The following F3 variants were observed in gnomAD, a reference collection of about 807,000 sequenced individuals.
The protein encoded by F3 is tissue factor.
Under a neutral mutation model 33.5 loss-of-function variants are expected in F3, and 18 were observed. The observed-to-expected ratio is 0.54, with a 90% CI of 0.37 to 0.80. F3 has a LOEUF of 0.80. F3 is among the 30% of genes least tolerant of loss of function. The pLI, the probability that F3 is intolerant of heterozygous loss-of-function variation, is 0.00. For missense variants in F3, 353 were observed against 362.1 expected (o/e 0.97, Z 0.20); for synonymous variants, 147 against 140.7 (o/e 1.05, Z -0.32).
chr1:94,541,333 G>C (rs976651439), intron 1 of F3, among the ~76,000 whole-genome samples: 2 of 152,178 alleles, frequency 1.3e-5, no homozygotes, highest in East Asian at 3.9e-4. Context: ...GGTCTGGGGC[G>C]CCAACTCCCT....
intron 3 of F3, among the ~76,000 whole-genome samples, chr1:94,535,325 T>C (rs1409479859): frequency 6.6e-6 from 1 of 152,152 alleles, no homozygotes; most frequent in Non-Finnish European, 1.5e-5. Context: ...ATTCTCTTCA[T>C]TCTTTTACTG....
chr1:94,532,348 T>TA lies in F3; in HGVS notation c.723dup (p.Met242TyrfsTer37). ...CTGAATTCCCCTTTCTCCTGGCCCA[T>TA]ACACTCTACCGGGCTGTCTGTACTC... On this transcript the variant is annotated frameshift_variant, in exon 5 of 6. Transcript: ENST00000334047. LOFTEE classifies it high-confidence loss of function. 1 of 1,614,146 alleles carries TA rather than the reference T, an allele frequency of 6.2e-7. No homozygotes were observed. The highest frequency in any genetic ancestry group is 8.5e-7 in the Non-Finnish European group (1 of 1,180,022).
intron 4 of F3, among the ~76,000 whole-genome samples, chr1:94,532,825 C>T (rs1177841766): frequency 6.6e-6 from 1 of 152,084 alleles, no homozygotes; most frequent in Non-Finnish European, 1.5e-5. Context: ...CATGGCGGGA[C>T]CTTTAGAGAT....
chr1:94,541,444 C>T, intron 1 of F3, 93 bp downstream of exon 1: 1 of 1,035,468 alleles, frequency 9.7e-7, no homozygotes, highest in Non-Finnish European at 1.3e-6. Flanking sequence ...ATGGGCGCCC[C>T]GGGGAACCAG....
Position 94,533,100 on chromosome 1 carries a change from C to A in F3, c.581G>T (p.Ser194Ile). The A allele has an allele frequency of 1.9e-6, 3 of 1,612,806 alleles. No homozygotes were observed. Among genetic ancestry groups the A allele is most frequent in the Non-Finnish European group, 2.5e-6 (3 of 1,179,760 alleles). ...TTAAAAAATGCTCACCTTTCCTGAA[C>A]TTGAAGATTTCCAATAATAAAGTGT... ...IYTLYYWKSS[S>I]SGKKTAKTNT... The change falls in exon 4 of 6, where the codon AGT becomes ATT. Residue 194 changes from serine to isoleucine, a missense_variant. By Grantham distance (142) the Ser-to-Ile change is moderately radical. Transcript: ENST00000334047.
intron 1 of F3, 135 bp downstream of exon 1, chr1:94,541,402 C>A: frequency 3.0e-6 from 2 of 665,808 alleles, no homozygotes; most frequent in Non-Finnish European, 4.5e-6. Flanking sequence ...GCTGGGTGAG[C>A]GCAGCCGAGT....
At chr1:94,532,251 T>C in intron 5 of F3, 70 bp downstream of exon 5, 1 of 1,458,690 alleles carries the variant, frequency 6.9e-7, no homozygotes, top group Admixed American at 2.0e-5. Context: ...GCCCTGAGGG[T>C]GGAGCTACTC....
chr1:94,535,132 T>C (rs1387370924), intron 3 of F3, among the ~76,000 whole-genome samples: 1 of 151,984 alleles, frequency 6.6e-6, no homozygotes, highest in Non-Finnish European at 1.5e-5. Context: ...TTTTCACCAT[T>C]CCTACCTTGA....
chr1:94,535,277 C>T (rs1227942794), intron 3 of F3, among the ~76,000 whole-genome samples: 1 of 152,208 alleles, frequency 6.6e-6, no homozygotes, highest in African/African-American at 2.4e-5. Flanking sequence ...CTCAGAGCCA[C>T]AGTTGCGGCA....
chr1:94,535,371 G>C (rs1436698248), intron 3 of F3, among the ~76,000 whole-genome samples: 2 of 152,148 alleles, frequency 1.3e-5, no homozygotes, highest in Non-Finnish European at 2.9e-5. Flanking sequence ...AAAGGCTGAG[G>C]AGGAAAGTAT....
intron 2 of F3, 101 bp downstream of exon 2, chr1:94,540,156 A>G: frequency 1.2e-6 from 1 of 806,368 alleles, no homozygotes. Context: ...GTCATCTGTT[A>G]AATAATTTCA....
At position 94,529,366 on chromosome 1, in the gene F3, A is replaced by G. The variant is rs1651346437; in HGVS notation, c.*1094T>C. ...AAAGTATATTAAATAAATTATCTCA[A>G]TATATACAAATAGAACAATATTACC... On this transcript the variant is annotated 3_prime_UTR_variant, in exon 6 of 6. Transcript: ENST00000334047. 6.6e-6 allele frequency: 1 copy of G among 152,548 alleles called. No individual in the cohort carries two copies. The highest frequency in any genetic ancestry group is 2.1e-4 in the South Asian group (1 of 4,818). The allele number at this position is 152,548 out of a possible 1,614,324, so 9.4% of individuals were successfully genotyped here.
intron 3 of F3, among the ~76,000 whole-genome samples, chr1:94,535,646 G>A (rs574908119): frequency 6.6e-6 from 1 of 152,070 alleles, no homozygotes; most frequent in East Asian, 1.9e-4. Flanking sequence ...CCCCGGCCTT[G>A]GTGGATTTCC....
chr1:94,532,184 CA>C, intron 5 of F3, 136 bp downstream of exon 5: 1 of 884,420 alleles, frequency 1.1e-6, no homozygotes, highest in Non-Finnish European at 1.7e-6. Flanking sequence ...CAAATAACAA[CA>C]AAAAACCTCC....
chr1:94,530,129 G>T lies in F3; in HGVS notation c.*331C>A. 1 of 148,742 alleles carries T rather than the reference G, an allele frequency of 6.7e-6. No homozygotes were observed. Among genetic ancestry groups the T allele is most frequent in the Non-Finnish European group, 1.4e-5 (1 of 70,928 alleles). The allele number at this position is 148,742 out of a possible 1,614,324, so 9.2% of individuals were successfully genotyped here. A position where few individuals can be genotyped will look rare whatever the true frequency, so the allele number is the denominator to read the frequency against. ...CAAAAGTCCACCCAGGATTTTTTAAGACATTTTCCCATTTGTTTTTGCTTG... is the reference window on the plus strand; with the variant it reads ...CAAAAGTCCACCCAGGATTTTTTAATACATTTTCCCATTTGTTTTTGCTTG... On this transcript the variant is annotated 3_prime_UTR_variant, in exon 6 of 6. Transcript: ENST00000334047.
At position 94,530,594 on chromosome 1, in the gene F3, T is replaced by G. The variant is rs746903219; in HGVS notation, c.754A>C (p.Ile252Leu). The G allele has an allele frequency of 6.2e-7, 1 of 1,613,932 alleles. No individual in the cohort carries two copies. Among genetic ancestry groups the G allele is most frequent in the Non-Finnish European group, 8.5e-7 (1 of 1,179,996 alleles). Reference sequence around the variant, plus strand: ...ACCACAGCTCCAATGATGTAGAATATTTCTGAAAAATAAAGGGCATCTAGT... The same window carrying G: ...ACCACAGCTCCAATGATGTAGAATAGTTCTGAAAAATAAAGGGCATCTAGT... ...MGQEKGEFRE[I>L]FYIIGAVVFV... is the part of the protein sequence containing the mutation. Residue 252 changes from isoleucine to leucine, a missense_variant and splice_region_variant, in exon 6 of 6, where the codon ATA (isoleucine) becomes CTA (leucine). Coordinates refer to ENST00000334047, the MANE Select transcript of F3 (RefSeq NM_001993.5).
At chr1:94,540,206 G>C in intron 2 of F3, 51 bp downstream of exon 2, 14 of 1,103,852 alleles carry the variant, frequency 1.3e-5, no homozygotes, top group Non-Finnish European at 2.0e-5. Flanking sequence ...TTCAGCATAG[G>C]ACAGTAGAAA....
intron 2 of F3, among the ~76,000 whole-genome samples, chr1:94,539,705 A>G (rs752688786): frequency 6.6e-6 from 1 of 152,206 alleles, no homozygotes; most frequent in Non-Finnish European, 1.5e-5. Flanking sequence ...GAGGGTGCAG[A>G]CAGCAGAGTA....
chr1:94,533,705 T>G (rs1043515152), intron 3 of F3, among the ~76,000 whole-genome samples: 8 of 151,382 alleles, frequency 5.3e-5, no homozygotes, highest in Admixed American at 3.3e-4. Context: ...CCCCTGCTCT[T>G]CCTCCTCCTC....
Sources: gnomAD v4.1 joint callset for allele counts (sites outside exome capture counted in the v4.1 genomes callset) on GRCh38, gnomAD v4.1.1 for gene constraint, MANE v1.5 for transcripts, NCBI Gene and HGNC (gene_info 2026-07-23, HGNC 2026-07-21) for gene names.